Variants in AGAP1 observed in about 807,000 individuals in gnomAD.
AGAP1 encodes the protein ArfGAP with GTPase domain, ankyrin repeat and PH domain 1.
In AGAP1, 29 loss-of-function variants were observed where a neutral mutation model predicts 105.3. That is an observed-to-expected ratio of 0.28 (90% CI 0.21 to 0.38). AGAP1 has a LOEUF of 0.38. Among genes scored for constraint, AGAP1 ranks in the 10% least tolerant of loss-of-function variants. AGAP1 has a pLI of 1.00. For missense variants in AGAP1, 998 were observed against 1,165.1 expected (o/e 0.86, Z 2.09); for synonymous variants, 509 against 485.9 (o/e 1.05, Z -0.63).
intron 9 of AGAP1, among the ~76,000 whole-genome samples, chr2:235,839,617 G>A (rs1960570279): frequency 6.6e-6 from 1 of 152,178 alleles, no homozygotes; most frequent in Non-Finnish European, 1.5e-5. Context: ...GGAGGAGCCA[G>A]ACTCTAGGCT....
At chr2:235,510,789 G>A (rs576893306) in intron 1 of AGAP1, among the ~76,000 whole-genome samples, 6 of 152,140 alleles carry the variant, frequency 3.9e-5, no homozygotes, top group Non-Finnish European at 7.4e-5. Flanking sequence ...TACTGATGAG[G>A]GGGGTGGGAG....
intron 1 of AGAP1, among the ~76,000 whole-genome samples, chr2:235,638,809 C>T (rs545671241): frequency 5.8e-4 from 88 of 152,270 alleles, no homozygotes; most frequent in Middle Eastern, 3.4e-3. Flanking sequence ...GGAGGGCTGG[C>T]GTGGGCCTCA....
At chr2:235,678,172 C>T (rs62189234) in intron 1 of AGAP1, among the ~76,000 whole-genome samples, 31,828 of 151,870 alleles carry the variant, frequency 0.21, 3,581 homozygotes, top group Admixed American at 0.35. Flanking sequence ...CTCACTCTTC[C>T]GGCTATTTCA....
At position 235,961,659 on chromosome 2, in the gene AGAP1, C is replaced by T. The variant is rs1490571312; in HGVS notation, c.1484-6803C>T. ...GCGTGGTGGCTCATGCCTATAATCC[C>T]AGCACTTTGGGAGGCCAAGGCGGAT... On this transcript the variant is annotated intron_variant, in intron 12 of 17. Coordinates refer to ENST00000304032, the MANE Select transcript of AGAP1 (RefSeq NM_001037131.3). The surrounding 1 kb of genome is among the most constrained non-coding windows in gnomAD (Gnocchi z 5.9). Among the ~76,000 whole-genome samples, 1 of 152,180 alleles carries T rather than the reference C, an allele frequency of 6.6e-6. No homozygotes were observed. Among genetic ancestry groups the T allele is most frequent in the Non-Finnish European group, 1.5e-5 (1 of 68,036 alleles).
At chr2:236,049,316 G>A (rs183221727) in intron 16 of AGAP1, 35 bp downstream of exon 16, 17 of 1,585,766 alleles carry the variant, frequency 1.1e-5, no homozygotes, top group Admixed American at 3.4e-5. Flanking sequence ...CTCCCGACAC[G>A]TTTGCCAACA....
rs1029014529 is a variant in AGAP1, at chr2:236,109,571, G to A, written c.2115-10621G>A. Among the ~76,000 whole-genome samples, 1 of 152,062 alleles carries A rather than the reference G, an allele frequency of 6.6e-6. No homozygotes were observed. Among genetic ancestry groups the A allele is most frequent in the Non-Finnish European group, 1.5e-5 (1 of 68,022 alleles). On this transcript the variant is annotated intron_variant, in intron 16 of 17. Transcript: ENST00000304032. This position sits in a 1 kb window ranked among gnomAD's most constrained non-coding sequence, Gnocchi z 5.4. ...AAATGTCCTAGTCAGCGGCAGCGTC[G>A]GTGCTCTGGACCGGCAGCCATGGGA...
intron 11 of AGAP1, among the ~76,000 whole-genome samples, chr2:235,928,917 A>C (rs1201405771): frequency 6.6e-6 from 1 of 152,188 alleles, no homozygotes; most frequent in Non-Finnish European, 1.5e-5. Context: ...GGCTGCTGTG[A>C]GGCCTGGTGC....
intron 8 of AGAP1, 53 bp from the exon 9 acceptor site, chr2:235,807,181 AGCCCC>A: frequency 1.3e-6 from 2 of 1,532,394 alleles, no homozygotes; most frequent in South Asian, 2.3e-5. Context: ...ACAGGGGCAG[AGCCCC>A]GTCTGTGAAC....
At chr2:235,814,180 C>G (rs147947998) in intron 9 of AGAP1, among the ~76,000 whole-genome samples, 62 of 152,344 alleles carry the variant, frequency 4.1e-4, no homozygotes, top group African/African-American at 1.4e-3. Context: ...CCTGTCCTCG[C>G]CTATGTCTGT....
At chr2:235,658,724 TC>T (rs1279520452) in intron 1 of AGAP1, among the ~76,000 whole-genome samples, 1 of 152,160 alleles carries the variant, frequency 6.6e-6, no homozygotes, top group Admixed American at 6.5e-5. Flanking sequence ...AACGGGGACT[TC>T]CCTGGTGAGG....
At chr2:235,851,930 A>C (rs1402754829) in intron 9 of AGAP1, among the ~76,000 whole-genome samples, 1 of 152,190 alleles carries the variant, frequency 6.6e-6, no homozygotes, top group Non-Finnish European at 1.5e-5. Context: ...CAGCTTATTA[A>C]AAGAACTTAT....
In AGAP1 at chr2:235,875,163, T is replaced by C. The variant is rs1409879992; in HGVS notation, c.1051-8182T>C. Among the ~76,000 whole-genome samples, 1 of 152,114 alleles carries C rather than the reference T, an allele frequency of 6.6e-6. No homozygotes were observed. The highest frequency in any genetic ancestry group is 1.5e-5 in the Non-Finnish European group (1 of 68,016). On this transcript the variant is annotated intron_variant, in intron 9 of 17. Coordinates refer to ENST00000304032, the MANE Select transcript of AGAP1 (RefSeq NM_001037131.3). The surrounding 1 kb of genome is among the most constrained non-coding windows in gnomAD (Gnocchi z 4.0). ...GGTCAGCCTTGTTTTATAAATGAGG[T>C]CACTTTTCAACCTTACTGGTCCATG...
Position 235,582,184 on chromosome 2 carries a change from G to A in AGAP1, c.163+87335G>A, listed in dbSNP as rs1014374503. 2.0e-5 allele frequency among the ~76,000 whole-genome samples: 3 copies of A among 152,146 alleles called. No individual in the cohort carries two copies. Among genetic ancestry groups the A allele is most frequent in the Non-Finnish European group, 4.4e-5 (3 of 68,022 alleles). ...GGTGGCCCCTGGTCACCAGATGTGA[G>A]CCCTGGAGCGCATGATTGTGGTTTT... On this transcript the variant is annotated intron_variant, in intron 1 of 17. Coordinates refer to ENST00000304032, the MANE Select transcript of AGAP1 (RefSeq NM_001037131.3). The surrounding 1 kb of genome is among the most constrained non-coding windows in gnomAD (Gnocchi z 4.7).
In AGAP1 at chr2:235,949,964, T is replaced by C. The variant is rs189820368; in HGVS notation, c.1484-18498T>C. 3.9e-5 allele frequency among the ~76,000 whole-genome samples: 6 copies of C among 152,336 alleles called. No homozygotes were observed. In the East Asian group the frequency reaches 1.2e-3, roughly 29 times the overall value. ...TTTCGTGGAAGAAACTGCACCTGTTTCTTCCTTTTCTGTAGCCAGCGCTGG... is the reference window on the plus strand; with the variant it reads ...TTTCGTGGAAGAAACTGCACCTGTTCCTTCCTTTTCTGTAGCCAGCGCTGG... On this transcript the variant is annotated intron_variant, in intron 12 of 17. Coordinates refer to ENST00000304032, the MANE Select transcript of AGAP1 (RefSeq NM_001037131.3).
chr2:235,703,045 A>T (rs898777213), intron 1 of AGAP1, among the ~76,000 whole-genome samples: 1 of 149,132 alleles, frequency 6.7e-6, no homozygotes, highest in Non-Finnish European at 1.5e-5. Flanking sequence ...CTCCTGCCCC[A>T]GCCTCCTGAG....
At chr2:235,570,970 A>G (rs1944493485) in intron 1 of AGAP1, among the ~76,000 whole-genome samples, 1 of 152,224 alleles carries the variant, frequency 6.6e-6, no homozygotes, top group Admixed American at 6.5e-5. Context: ...CAGGCTGTAC[A>G]GGAAGCGTGG....
chr2:235,569,688 C>A lies in AGAP1; in HGVS notation c.163+74839C>A, dbSNP rs956710137. On this transcript the variant is annotated intron_variant, in intron 1 of 17. Transcript: ENST00000304032. The surrounding 1 kb of genome is among the most constrained non-coding windows in gnomAD (Gnocchi z 5.9). The stretch of plus-strand genomic sequence containing the variant: ...CCCTGTGTGAGGGTTTGTAGTCTTA[C>A]ACCTTTGCCAAACCCTTTCTGGGTT... 6.6e-6 allele frequency among the ~76,000 whole-genome samples: 1 copy of A among 152,184 alleles called. No homozygotes were observed. The highest frequency in any genetic ancestry group is 2.4e-5 in the African/African-American group (1 of 41,448).
In AGAP1 at chr2:235,502,721, T is replaced by G. The variant is rs565931567; in HGVS notation, c.163+7872T>G. ...TTGCCTTTTTTTTTTTTTTTTTTTT[T>G]AAGGGTGGGAAAACACTTTTCATGG... On this transcript the variant is annotated intron_variant, in intron 1 of 17. Transcript: ENST00000304032. Among the ~76,000 whole-genome samples, 8 of 148,194 alleles carry G rather than the reference T, an allele frequency of 5.4e-5. No individual in the cohort carries two copies. The South Asian group carries it at 1.3e-3, about 24-fold the overall frequency.
chr2:235,971,124 C>T lies in AGAP1; in HGVS notation c.1645+2501C>T, dbSNP rs1046470790. Among the ~76,000 whole-genome samples the T allele has an allele frequency of 1.3e-5, 2 of 152,160 alleles. No homozygotes were observed. Among genetic ancestry groups the T allele is most frequent in the Non-Finnish European group, 2.9e-5 (2 of 68,038 alleles). On this transcript the variant is annotated intron_variant, in intron 13 of 17. Transcript: ENST00000304032. This position sits in a 1 kb window ranked among gnomAD's most constrained non-coding sequence, Gnocchi z 4.8. ...TCTAATTAGGAGAGTCTGGTCTCTACGTCAGCGGCTATGACATCTTTCCAA... is the reference window on the plus strand; with the variant it reads ...TCTAATTAGGAGAGTCTGGTCTCTATGTCAGCGGCTATGACATCTTTCCAA...
Sources: allele counts gnomAD v4.1 joint callset (sites outside exome capture counted in the v4.1 genomes callset), GRCh38; gene constraint gnomAD v4.1.1; non-coding constraint Gnocchi (gnomAD v3.1); transcripts MANE v1.5; gene names NCBI Gene and HGNC (gene_info 2026-07-23, HGNC 2026-07-21).